The following RAPGEF6 variants were observed in gnomAD, a reference collection of about 807,000 sequenced individuals.
RAPGEF6 encodes PDZ domain containing guanine nucleotide exchange factor (GEF) 2.
A neutral mutation model predicts 171.4 loss-of-function variants in RAPGEF6; 56 were observed. The observed-to-expected ratio is 0.33, with a 90% CI of 0.26 to 0.41. The LOEUF (loss-of-function observed/expected upper bound fraction) is 0.41, where lower values mean the gene tolerates loss of function less well. Among genes scored for constraint, RAPGEF6 ranks in the 10% least tolerant of loss-of-function variants. The pLI, the probability that RAPGEF6 is intolerant of heterozygous loss-of-function variation, is 1.00. For missense variants in RAPGEF6, 1,674 were observed against 1,921.4 expected (o/e 0.87, Z 2.41); for synonymous variants, 692 against 650.1 (o/e 1.06, Z -0.98).
intron 4 of RAPGEF6, among the ~76,000 whole-genome samples, chr5:131,590,059 C>T (rs1284947499): frequency 2.0e-5 from 3 of 152,168 alleles, no homozygotes; most frequent in Non-Finnish European, 4.4e-5. Flanking sequence ...TCTGCTTTAT[C>T]CTTCTTAGTA....
chr5:131,577,148 A>G (rs1239234333), intron 4 of RAPGEF6, among the ~76,000 whole-genome samples: 1 of 152,098 alleles, frequency 6.6e-6, no homozygotes, highest in Non-Finnish European at 1.5e-5. Context: ...GTCAGACATA[A>G]TTCCTCAGTT....
At chr5:131,634,642 T>C (rs1186739075) in intron 1 of RAPGEF6, among the ~76,000 whole-genome samples, 1 of 152,232 alleles carries the variant, frequency 6.6e-6, no homozygotes, top group Non-Finnish European at 1.5e-5. Context: ...TTTCATAGTC[T>C]ACTTAAACGA....
At chr5:131,558,185 G>A (rs979417712) in intron 5 of RAPGEF6, among the ~76,000 whole-genome samples, 12 of 149,186 alleles carry the variant, frequency 8.0e-5, no homozygotes, top group African/African-American at 2.9e-4. Context: ...GGCTTGTGCA[G>A]ATCTTCTGTT....
intron 24 of RAPGEF6, among the ~76,000 whole-genome samples, chr5:131,437,545 G>A (rs1226575363): frequency 6.6e-6 from 1 of 152,180 alleles, no homozygotes; most frequent in Non-Finnish European, 1.5e-5. Flanking sequence ...ATCCTACATC[G>A]CAAGATCTGG....
At position 131,598,090 on chromosome 5, in the gene RAPGEF6, G is replaced by A. The variant is rs200737123; in HGVS notation, c.197+5181C>T. On this transcript the variant is annotated intron_variant, in intron 3 of 27. Transcript: ENST00000509018. Reference sequence around the variant, plus strand: ...AAAAAAAACCTGCTATATTTATTACGTTCAAGAAAAAAGGAAAACAGATGA... The same window carrying A: ...AAAAAAAACCTGCTATATTTATTACATTCAAGAAAAAAGGAAAACAGATGA... Among the ~76,000 whole-genome samples, 59 of 152,096 alleles carry A rather than the reference G, an allele frequency of 3.9e-4. 1 individual carries two copies. In the East Asian group the frequency reaches 9.6e-3, roughly 25 times the overall value.
At chr5:131,471,143 TTC>T (rs1754709181) in intron 17 of RAPGEF6, among the ~76,000 whole-genome samples, 1 of 152,222 alleles carries the variant, frequency 6.6e-6, no homozygotes, top group Admixed American at 6.5e-5. Context: ...CTGGAGTGTC[TTC>T]TGTCTCATGA....
At chr5:131,521,562 T>C in intron 6 of RAPGEF6, 41 bp from the exon 7 acceptor site, 1 of 1,566,038 alleles carries the variant, frequency 6.4e-7, no homozygotes, top group Non-Finnish European at 8.6e-7. Context: ...AATGTCAAGC[T>C]TTACCTTTTT....
chr5:131,559,307 C>G (rs558026259), intron 5 of RAPGEF6, among the ~76,000 whole-genome samples: 1 of 151,668 alleles, frequency 6.6e-6, no homozygotes, highest in African/African-American at 2.4e-5. Flanking sequence ...CCAGCCTAGA[C>G]GAGAGAGCAA....
At chr5:131,595,085 G>C (rs1035646805) in intron 3 of RAPGEF6, among the ~76,000 whole-genome samples, 9 of 152,162 alleles carry the variant, frequency 5.9e-5, no homozygotes, top group African/African-American at 2.2e-4. Flanking sequence ...GGAGGGGCCA[G>C]TGGTGGAATA....
At position 131,427,267 on chromosome 5, in the gene RAPGEF6, T is replaced by C. The variant is rs1751434230; in HGVS notation, c.4805A>G (p.Ter1602TrpextTer10). 4 of 1,609,810 alleles carry C rather than the reference T, an allele frequency of 2.5e-6. No homozygotes were observed. Among genetic ancestry groups the C allele is most frequent in the Admixed American group, 3.3e-5 (2 of 59,978 alleles). Reference protein sequence around the residue: ...ADENEQVSAV* With the variant: ...ADENEQVSAVW ...GTTTTCAAATAGGTCATCCAAAGGCTAGACTGCTGAAACTTGTTCATTTTC... is the reference window on the plus strand; with the variant it reads ...GTTTTCAAATAGGTCATCCAAAGGCCAGACTGCTGAAACTTGTTCATTTTC... The change falls in exon 28 of 28, where the codon TAG becomes TGG. Residue 1602 changes from the stop codon to tryptophan, a stop_lost. Coordinates refer to ENST00000509018, the MANE Select transcript of RAPGEF6 (RefSeq NM_016340.6).
chr5:131,600,159 A>T (rs1387109561), intron 3 of RAPGEF6, among the ~76,000 whole-genome samples: 1 of 152,256 alleles, frequency 6.6e-6, no homozygotes, highest in East Asian at 1.9e-4. Context: ...TCAGAAAGAT[A>T]TTAGATTTGC....
intron 1 of RAPGEF6, among the ~76,000 whole-genome samples, chr5:131,610,441 G>A (rs1764868665): frequency 6.6e-6 from 1 of 152,194 alleles, no homozygotes; most frequent in African/African-American, 2.4e-5. Context: ...GGTGGACGCA[G>A]GGCTGCTTTT....
At chr5:131,463,771 C>A (rs1444560033) in intron 18 of RAPGEF6, 2 of 1,061,822 alleles carry the variant, frequency 1.9e-6, no homozygotes, top group Non-Finnish European at 1.1e-6. Context: ...ATATTAAAAA[C>A]AAATTTATAA....
intron 4 of RAPGEF6, among the ~76,000 whole-genome samples, chr5:131,579,270 G>C (rs1762787065): frequency 6.6e-6 from 1 of 152,198 alleles, no homozygotes; most frequent in Non-Finnish European, 1.5e-5. Context: ...AGCTCATAAA[G>C]GCAGTATGGA....
At position 131,609,404 on chromosome 5, in the gene RAPGEF6, A is replaced by C. The variant is rs1764809576; in HGVS notation, c.70-4711T>G. ...TAGGGTAAAGACACAGGATGGAGAC[A>C]TGGGAATGGGCACAAAGTGTATAAA... On this transcript the variant is annotated intron_variant, in intron 1 of 27. Coordinates refer to ENST00000509018, the MANE Select transcript of RAPGEF6 (RefSeq NM_016340.6). Among the ~76,000 whole-genome samples, 4 of 152,330 alleles carry C rather than the reference A, an allele frequency of 2.6e-5. No individual in the cohort carries two copies. The South Asian group carries it at 8.3e-4, about 32-fold the overall frequency.
intron 11 of RAPGEF6, among the ~76,000 whole-genome samples, chr5:131,504,071 T>A (rs1757192756): frequency 6.6e-6 from 1 of 152,184 alleles, no homozygotes; most frequent in South Asian, 2.1e-4. Context: ...AATATTAAGT[T>A]TGAAAAGGAA....
chr5:131,554,559 G>A (rs1761114434), intron 5 of RAPGEF6, among the ~76,000 whole-genome samples: 1 of 152,238 alleles, frequency 6.6e-6, no homozygotes. Flanking sequence ...TCACCCTGTT[G>A]CCCAGGCTGG....
At chr5:131,508,724 C>G (rs943419007) in intron 8 of RAPGEF6, among the ~76,000 whole-genome samples, 1 of 152,224 alleles carries the variant, frequency 6.6e-6, no homozygotes, top group South Asian at 2.1e-4. Context: ...TCAGGCCACT[C>G]CCTGGTATGG....
At chr5:131,428,461 C>CTT (rs879499440) in intron 27 of RAPGEF6, among the ~76,000 whole-genome samples, 16 of 142,294 alleles carry the variant, frequency 1.1e-4, no homozygotes, top group African/African-American at 2.1e-4. Flanking sequence ...TATTTAGGAA[C>CTT]TTTTTTTTTT....
Sources: gnomAD v4.1 joint callset for allele counts (sites outside exome capture counted in the v4.1 genomes callset) on GRCh38, gnomAD v4.1.1 for gene constraint, MANE v1.5 for transcripts, NCBI Gene and HGNC (gene_info 2026-07-23, HGNC 2026-07-21) for gene names.